LRRC49: variants seen among roughly 807,000 people sequenced by gnomAD.
LRRC49 encodes the protein leucine rich repeat containing 49, also known as leucine-rich repeat-containing protein 49.
LRRC49 carries 50 observed loss-of-function variants against 83.3 expected under a neutral mutation model. That is an observed-to-expected ratio of 0.60 (90% CI 0.48 to 0.76). The LOEUF (loss-of-function observed/expected upper bound fraction) is 0.76, where lower values mean the gene tolerates loss of function less well. LRRC49 is among the 30% of genes least tolerant of loss of function. The pLI, the probability that LRRC49 is intolerant of heterozygous loss-of-function variation, is 0.00. For missense variants in LRRC49, 704 were observed against 809.1 expected (o/e 0.87, Z 1.58); for synonymous variants, 286 against 283.3 (o/e 1.01, Z -0.10).
At chr15:71,013,165 G>A (rs991342696) in intron 14 of LRRC49, among the ~76,000 whole-genome samples, 4 of 152,160 alleles carry the variant, frequency 2.6e-5, no homozygotes, top group African/African-American at 9.7e-5. Context: ...AGGGAGGGCT[G>A]TAGGAGGGAC....
At chr15:70,917,889 A>G (rs961525298) in intron 6 of LRRC49, among the ~76,000 whole-genome samples, 1 of 152,200 alleles carries the variant, frequency 6.6e-6, no homozygotes, top group African/African-American at 2.4e-5. Context: ...TAACACAAAC[A>G]GGGCTGAGAC....
chr15:70,959,581 GGAAGGAAGGAAGGA>G (rs2036532180), intron 8 of LRRC49, among the ~76,000 whole-genome samples: 1 of 144,174 alleles, frequency 6.9e-6, no homozygotes, highest in African/African-American at 2.5e-5. Flanking sequence ...AAGGAAGGAA[GGAAGGAAGGAAGGA>G]AGGAAGGGAG....
At chr15:70,881,761 CTAAAT>C (rs1456029653) in intron 2 of LRRC49, 9 of 152,154 alleles carry the variant, frequency 5.9e-5, no homozygotes, top group African/African-American at 2.2e-4. Flanking sequence ...TGATTCTAAT[CTAAAT>C]TAATCAAGCT....
At chr15:71,037,741 A>G (rs747345692) in intron 15 of LRRC49, among the ~76,000 whole-genome samples, 1 of 152,136 alleles carries the variant, frequency 6.6e-6, no homozygotes, top group Non-Finnish European at 1.5e-5. Context: ...CCTTACTGGG[A>G]CCATTGATGT....
intron 14 of LRRC49, among the ~76,000 whole-genome samples, chr15:71,030,149 G>A (rs1429089578): frequency 1.3e-5 from 2 of 152,110 alleles, no homozygotes; most frequent in Admixed American, 1.3e-4. Context: ...TTTTTGCAGT[G>A]GCTGGTACCA....
At chr15:70,920,680 T>C (rs1228224113) in intron 7 of LRRC49, among the ~76,000 whole-genome samples, 1 of 152,246 alleles carries the variant, frequency 6.6e-6, no homozygotes, top group Non-Finnish European at 1.5e-5. Context: ...TTGAGTATTA[T>C]GTTTAATCAT....
intron 2 of LRRC49, among the ~76,000 whole-genome samples, chr15:70,874,030 TG>T (rs1440634936): frequency 6.6e-6 from 1 of 152,224 alleles, no homozygotes; most frequent in African/African-American, 2.4e-5. Flanking sequence ...TCCTGGGTGT[TG>T]TTAGTAAACC....
chr15:70,937,589 A>C (rs1436118474), intron 8 of LRRC49, among the ~76,000 whole-genome samples: 2 of 152,294 alleles, frequency 1.3e-5, no homozygotes, highest in Non-Finnish European at 2.9e-5. Context: ...AAAAAGATTT[A>C]GAGCATATCT....
intron 8 of LRRC49, among the ~76,000 whole-genome samples, chr15:70,946,234 T>A (rs2141172312): frequency 6.6e-6 from 1 of 152,256 alleles, no homozygotes; most frequent in Non-Finnish European, 1.5e-5. Flanking sequence ...TTGACCAACA[T>A]CTCCCCAATC....
At chr15:70,859,033 C>G in intron 1 of LRRC49, 1 of 1,363,660 alleles carries the variant, frequency 7.3e-7, no homozygotes, top group South Asian at 1.2e-5. Flanking sequence ...CCTTCATAGA[C>G]AAGGTATGGT....
intron 14 of LRRC49, among the ~76,000 whole-genome samples, chr15:71,026,912 A>T (rs879750973): frequency 8.5e-5 from 13 of 152,060 alleles, no homozygotes; most frequent in Non-Finnish European, 1.8e-4. Flanking sequence ...CTCTGATGAT[A>T]GTTTCTTTTG....
intron 4 of LRRC49, among the ~76,000 whole-genome samples, chr15:70,902,108 G>A (rs774949386): frequency 2.0e-5 from 3 of 152,184 alleles, no homozygotes; most frequent in Admixed American, 6.5e-5. Flanking sequence ...CATCTTTGCG[G>A]TATAAGTGGT....
intron 2 of LRRC49, among the ~76,000 whole-genome samples, chr15:70,875,819 G>T (rs2033141789): frequency 6.6e-6 from 1 of 152,154 alleles, no homozygotes; most frequent in African/African-American, 2.4e-5. Flanking sequence ...ATTCAGCCAG[G>T]GTGAAAGAAG....
upstream of LRRC49, among the ~76,000 whole-genome samples, chr15:70,887,485 T>C (rs2033441197): frequency 6.6e-6 from 1 of 152,178 alleles, no homozygotes; most frequent in African/African-American, 2.4e-5. Context: ...CCAATCAATA[T>C]AATTTACTAT....
chr15:70,869,886 G>A (rs11853664), intron 1 of LRRC49, among the ~76,000 whole-genome samples: 82,755 of 151,600 alleles, frequency 0.55, 23,321 homozygotes, highest in Admixed American at 0.69. Context: ...TTTAAAATCA[G>A]CTTCCCACAC....
chr15:70,991,985 G>A (rs1053581396), intron 11 of LRRC49, among the ~76,000 whole-genome samples: 3 of 152,198 alleles, frequency 2.0e-5, no homozygotes, highest in African/African-American at 4.8e-5. Flanking sequence ...TTATATCAGT[G>A]TATTTCCTTC....
At chr15:70,873,024 A>G in exon 2 of LRRC49, 2 of 601,466 alleles carry the variant, frequency 3.3e-6, no homozygotes, top group Non-Finnish European at 6.0e-6. Context: ...AGCTGGGATT[A>G]TAGGTGCCCG....
At chr15:70,986,240 A>G (rs1242722428) in intron 11 of LRRC49, among the ~76,000 whole-genome samples, 5 of 152,142 alleles carry the variant, frequency 3.3e-5, no homozygotes, top group Non-Finnish European at 7.3e-5. Context: ...GGCCATTTTC[A>G]TGATATTGAT....
chr15:70,946,170 A>G (rs564929192), intron 8 of LRRC49, among the ~76,000 whole-genome samples: 9 of 152,290 alleles, frequency 5.9e-5, no homozygotes, highest in Admixed American at 2.6e-4. Flanking sequence ...TTGTTATTAA[A>G]TATAATCACC....
Sources: allele counts gnomAD v4.1 joint callset (sites outside exome capture counted in the v4.1 genomes callset), GRCh38; gene constraint gnomAD v4.1.1; transcripts MANE v1.5; gene names NCBI Gene and HGNC (gene_info 2026-07-23, HGNC 2026-07-21).